Variants in ALX1 observed in about 807,000 individuals in gnomAD.
The protein encoded by ALX1 is ALX homeobox protein 1.
In ALX1, 19 loss-of-function variants were observed where a neutral mutation model predicts 31.7. That is an observed-to-expected ratio of 0.60 (90% CI 0.42 to 0.88). The LOEUF (loss-of-function observed/expected upper bound fraction) is 0.88, where lower values mean the gene tolerates loss of function less well. ALX1 is among the 40% of genes least tolerant of loss of function. The probability of loss-of-function intolerance (pLI) is 0.00; values close to 1 mark genes in which losing one functional copy is unlikely to be tolerated. For missense variants in ALX1, 415 were observed against 407.8 expected, an observed-to-expected ratio of 1.02 and a Z score of -0.15; for synonymous variants, 153 against 148.8, an observed-to-expected ratio of 1.03 and a Z score of -0.20.
At chr12:85,283,479 T>A (rs1282432084) in intron 1 of ALX1, 93 bp from the exon 2 acceptor site, 1 of 1,349,798 alleles carries the variant, frequency 7.4e-7, no homozygotes, top group Non-Finnish European at 1.1e-6. Flanking sequence ...AATAGGCCAA[T>A]TTCTTGATAC....
At chr12:85,282,012 A>T (rs1044048973) in intron 1 of ALX1, among the ~76,000 whole-genome samples, 1 of 152,200 alleles carries the variant, frequency 6.6e-6, no homozygotes, top group Non-Finnish European at 1.5e-5. Flanking sequence ...AAGAAGTGTT[A>T]AGGAAGATGA....
rs144054065 is a variant in ALX1, at chr12:85,293,811, G to A, written c.660+6830G>A. On this transcript the variant is annotated intron_variant, in intron 3 of 3. Coordinates refer to ENST00000316824, the MANE Select transcript of ALX1 (RefSeq NM_006982.3). ...CCATCAAAGCCCAGGAAGTCTATTA[G>A]CACAGAACTGTTGTTTAAAATCTGC... is the stretch of plus-strand genomic sequence containing the variant. Among the ~76,000 whole-genome samples, 105 of 151,196 alleles carry A rather than the reference G, an allele frequency of 6.9e-4. No homozygotes were observed. In the East Asian group the frequency reaches 9.1e-3, roughly 13 times the overall value.
chr12:85,286,709 G>T, intron 2 of ALX1, 144 bp from the exon 3 acceptor site: 1 of 784,806 alleles, frequency 1.3e-6, no homozygotes, highest in Non-Finnish European at 2.0e-6. Flanking sequence ...AGTAAAATCT[G>T]TGGATCCTTT....
chr12:85,300,276 T>C (rs1466083188), intron 3 of ALX1, among the ~76,000 whole-genome samples: 3 of 152,050 alleles, frequency 2.0e-5, no homozygotes, highest in South Asian at 2.1e-4. Flanking sequence ...TAATATTGCA[T>C]TGAATTGTTT....
chr12:85,280,894 G>C (rs922858331), intron 1 of ALX1, among the ~76,000 whole-genome samples: 3 of 151,824 alleles, frequency 2.0e-5, no homozygotes, highest in African/African-American at 7.3e-5. Flanking sequence ...ATCGATCACA[G>C]CTCGTTAGAG....
chr12:85,295,727 A>G (rs1298385594), intron 3 of ALX1, among the ~76,000 whole-genome samples: 3 of 151,538 alleles, frequency 2.0e-5, no homozygotes, highest in African/African-American at 7.3e-5. Context: ...GTGTGTGTGC[A>G]GACGTATGGG....
intron 3 of ALX1, among the ~76,000 whole-genome samples, chr12:85,296,942 A>G (rs1457103896): frequency 6.6e-6 from 1 of 151,708 alleles, no homozygotes; most frequent in Non-Finnish European, 1.5e-5. Context: ...CCAAAATTGA[A>G]CCACCAATAT....
At chr12:85,292,368 G>A (rs1448321406) in intron 3 of ALX1, among the ~76,000 whole-genome samples, 2 of 151,006 alleles carry the variant, frequency 1.3e-5, no homozygotes, top group African/African-American at 2.4e-5. Context: ...AAAAAGAATT[G>A]AAGTGCTTTT....
intron 3 of ALX1, among the ~76,000 whole-genome samples, chr12:85,291,686 A>G (rs1364265784): frequency 6.6e-6 from 1 of 151,062 alleles, no homozygotes; most frequent in Non-Finnish European, 1.5e-5. Flanking sequence ...CTTTATTTGT[A>G]AAATGGAAGT....
At chr12:85,281,687 T>G (rs985763466) in intron 1 of ALX1, among the ~76,000 whole-genome samples, 2 of 152,192 alleles carry the variant, frequency 1.3e-5, no homozygotes, top group African/African-American at 4.8e-5. Flanking sequence ...ATAGAGAAAA[T>G]AATCAGCTAA....
intron 2 of ALX1, among the ~76,000 whole-genome samples, chr12:85,284,496 G>A (rs528597601): frequency 1.3e-5 from 2 of 152,126 alleles, no homozygotes; most frequent in South Asian, 2.1e-4. Context: ...AATGGTTAAA[G>A]TCTAGATAAA....
chr12:85,282,351 A>G (rs1896686445), intron 1 of ALX1, among the ~76,000 whole-genome samples: 1 of 152,136 alleles, frequency 6.6e-6, no homozygotes, highest in Non-Finnish European at 1.5e-5. Context: ...TTAATTGGCC[A>G]TCACCTCAAA....
At position 85,280,381 on chromosome 12, in the gene ALX1, T is replaced by C; in HGVS notation, c.120T>C (p.Phe40=). The part of the protein sequence containing the change: ...HVMETLDNES[F]YSKASAGKCV... ...TGGAGACGCTGGACAATGAGTCCTT[T>C]TACAGCAAAGCGTCTGCAGGCAAAT... Residue 40 remains phenylalanine (F), a synonymous_variant, in exon 1 of 4, where the codon TTT becomes TTC. Coordinates refer to ENST00000316824, the MANE Select transcript of ALX1 (RefSeq NM_006982.3). 1.9e-6 allele frequency: 3 copies of C among 1,613,896 alleles called. No homozygotes were observed. Among genetic ancestry groups the C allele is most frequent in the Non-Finnish European group, 2.5e-6 (3 of 1,180,022 alleles).
intron 3 of ALX1, among the ~76,000 whole-genome samples, chr12:85,289,422 G>A (rs2137383409): frequency 6.6e-6 from 1 of 151,172 alleles, no homozygotes; most frequent in Admixed American, 6.6e-5. Context: ...CACCGATGGA[G>A]GAACGGACAT....
rs771162169 is a variant in ALX1 at position 85,286,916 on chromosome 12, G to A, written c.595G>A (p.Ala199Thr). 5 of 1,612,108 alleles carry A rather than the reference G, an allele frequency of 3.1e-6. No homozygotes were observed. Among genetic ancestry groups the A allele is most frequent in the South Asian group, 2.2e-5 (2 of 91,004 alleles). The change falls in exon 3 of 4, where the codon GCG becomes ACG. Residue 199 changes from alanine to threonine, a missense_variant. Coordinates refer to ENST00000316824, the MANE Select transcript of ALX1 (RefSeq NM_006982.3). ...KRERYGQIQQ[A>T]KSHFAATYDI... ...GGAACGTTATGGCCAAATACAACAA[G>A]CGAAAAGCCATTTTGCTGCCACCTA...
At chr12:85,287,318 T>TA (rs1301958119) in intron 3 of ALX1, among the ~76,000 whole-genome samples, 1 of 151,780 alleles carries the variant, frequency 6.6e-6, no homozygotes, top group Non-Finnish European at 1.5e-5. Flanking sequence ...TGTTAACTTT[T>TA]AAAAATACTG....
At chr12:85,297,611 T>C (rs1005037560) in intron 3 of ALX1, among the ~76,000 whole-genome samples, 2 of 151,500 alleles carry the variant, frequency 1.3e-5, no homozygotes, top group African/African-American at 4.8e-5. Context: ...GTAAACAAAA[T>C]TGGTGTACAA....
chr12:85,280,681 G>A (rs900931297), intron 1 of ALX1, among the ~76,000 whole-genome samples, 194 bp downstream of exon 1: 13 of 152,184 alleles, frequency 8.5e-5, no homozygotes, highest in Admixed American at 5.2e-4. Context: ...GGCGGAGGGC[G>A]GAGGGAGGGA....
Position 85,301,541 on chromosome 12 carries a change from G to A in ALX1, c.*66G>A, listed in dbSNP as rs1896967406. On this transcript the variant is annotated 3_prime_UTR_variant, in exon 4 of 4. Coordinates refer to ENST00000316824, the MANE Select transcript of ALX1 (RefSeq NM_006982.3). ...AACATTCTTATTTCTCATATTTAAA[G>A]GATACCACAATAAGCTGCTGTGTGT... is the stretch of plus-strand genomic sequence containing the variant. 8.5e-6 allele frequency: 13 copies of A among 1,525,864 alleles called. No homozygotes were observed. In the Admixed American group the frequency reaches 1.2e-4, roughly 14 times the overall value. 94.5% of individuals were successfully genotyped at this position (1,525,864 alleles called of 1,614,324 possible).
Sources: gnomAD v4.1 joint callset for allele counts (sites outside exome capture counted in the v4.1 genomes callset) on GRCh38, gnomAD v4.1.1 for gene constraint, MANE v1.5 for transcripts, NCBI Gene and HGNC (gene_info 2026-07-23, HGNC 2026-07-21) for gene names.